Variants in POU6F2 observed in about 807,000 individuals in gnomAD.
POU6F2 encodes the protein POU domain, class 6, transcription factor 2.
A neutral mutation model predicts 71.3 loss-of-function variants in POU6F2; 31 were observed. The ratio of observed to expected loss-of-function variants is 0.43; its 90% CI spans 0.33 to 0.59. The LOEUF (loss-of-function observed/expected upper bound fraction) is 0.59, where lower values mean the gene tolerates loss of function less well. Ranked by LOEUF, POU6F2 falls within the 20% of genes least tolerant of loss-of-function variation. POU6F2 has a pLI of 0.04. For missense variants in POU6F2, 783 were observed against 856.8 expected, an observed-to-expected ratio of 0.91 and a Z score of 1.07; for synonymous variants, 347 against 355.7, an observed-to-expected ratio of 0.98 and a Z score of 0.27.
chr7:39,006,691 T>C, intron 1 of POU6F2: 2 of 710,878 alleles, frequency 2.8e-6, no homozygotes, highest in South Asian at 3.4e-5. Flanking sequence ...AAAGCATGTG[T>C]GTCATTTCAG....
intron 4 of POU6F2, among the ~76,000 whole-genome samples, chr7:39,233,367 A>G (rs570043512): frequency 4.7e-4 from 72 of 152,300 alleles, no homozygotes; most frequent in African/African-American, 1.4e-3. Flanking sequence ...TTTTCTCAAC[A>G]TTATCACTAG....
chr7:39,028,466 A>G (rs1467554525), intron 1 of POU6F2, among the ~76,000 whole-genome samples: 2 of 152,132 alleles, frequency 1.3e-5, no homozygotes, highest in Non-Finnish European at 2.9e-5. Context: ...CTTAATTACT[A>G]CTGCCTCATA....
intron 2 of POU6F2, among the ~76,000 whole-genome samples, chr7:39,159,191 TA>T (rs1025520317): frequency 1.3e-5 from 2 of 151,774 alleles, no homozygotes; most frequent in South Asian, 2.1e-4. Flanking sequence ...AAATAAAAAA[TA>T]AAAAAAATAA....
At chr7:39,001,718 T>C (rs191322144) in intron 1 of POU6F2, among the ~76,000 whole-genome samples, 1 of 151,632 alleles carries the variant, frequency 6.6e-6, no homozygotes, top group South Asian at 2.1e-4. Context: ...GTGATGATGA[T>C]ATAATGGTGA....
chr7:39,009,919 G>T (rs949185753), intron 1 of POU6F2, among the ~76,000 whole-genome samples: 8 of 151,824 alleles, frequency 5.3e-5, no homozygotes, highest in East Asian at 3.9e-4. Context: ...GCTGGATTCG[G>T]TTTGCCAGTA....
At chr7:39,056,678 A>ATG (rs3057270) in intron 1 of POU6F2, among the ~76,000 whole-genome samples, 34,923 of 141,968 alleles carry the variant, frequency 0.25, 4,203 homozygotes, top group South Asian at 0.37. Flanking sequence ...GTGTGTGTGT[A>ATG]TGTGTGTGTG....
chr7:39,133,767 A>T (rs111581084), intron 2 of POU6F2, among the ~76,000 whole-genome samples: 47 of 152,242 alleles, frequency 3.1e-4, no homozygotes, highest in African/African-American at 1.0e-3. Context: ...GTACTATGTG[A>T]TATTCACATA....
At chr7:39,019,654 T>C (rs992570629) in intron 1 of POU6F2, among the ~76,000 whole-genome samples, 11 of 151,644 alleles carry the variant, frequency 7.3e-5, no homozygotes, top group East Asian at 1.9e-4. Flanking sequence ...TTTTTCTTTT[T>C]TTTTTTTTTT....
intron 2 of POU6F2, among the ~76,000 whole-genome samples, chr7:39,149,131 G>A (rs1320618626): frequency 6.6e-6 from 1 of 152,184 alleles, no homozygotes; most frequent in Non-Finnish European, 1.5e-5. Flanking sequence ...GCTCTCCTGA[G>A]TTCTGGATGA....
At chr7:38,990,333 G>C (rs1463551697) in intron 1 of POU6F2, among the ~76,000 whole-genome samples, 1 of 152,196 alleles carries the variant, frequency 6.6e-6, no homozygotes, top group East Asian at 1.9e-4. Flanking sequence ...CCTTTTTCCT[G>C]TCAAATGGCA....
chr7:38,996,835 A>G (rs1788753675), intron 1 of POU6F2, among the ~76,000 whole-genome samples: 1 of 151,970 alleles, frequency 6.6e-6, no homozygotes, highest in Non-Finnish European at 1.5e-5. Context: ...CCTTCCATTC[A>G]CTGAATCTTG....
chr7:39,414,631 G>C lies in POU6F2; in HGVS notation c.1113+7891G>C, dbSNP rs567470506. On this transcript the variant is annotated intron_variant, in intron 6 of 9. Transcript: ENST00000518318. Reference sequence around the variant, plus strand: ...GGACGCGCGGGACGTCAGGGCCCCAGCAGAAGCGCCGGGCTGTGCGTCCTT... The same window carrying C: ...GGACGCGCGGGACGTCAGGGCCCCACCAGAAGCGCCGGGCTGTGCGTCCTT... 3.7e-3 allele frequency among the ~76,000 whole-genome samples: 571 copies of C among 152,340 alleles called. 5 individuals are homozygous for C. Among genetic ancestry groups the C allele is most frequent in the African/African-American group, 0.013 (537 of 41,580 alleles).
chr7:39,345,660 A>G (rs1420838250), intron 5 of POU6F2, among the ~76,000 whole-genome samples: 1 of 152,238 alleles, frequency 6.6e-6, no homozygotes, highest in African/African-American at 2.4e-5. Context: ...CACTATGTAG[A>G]CAACATTCTC....
At chr7:39,452,475 A>G (rs1446581959) in intron 8 of POU6F2, among the ~76,000 whole-genome samples, 2 of 152,188 alleles carry the variant, frequency 1.3e-5, no homozygotes, top group Non-Finnish European at 2.9e-5. Context: ...ATAGATTGCA[A>G]TTCACCAGGG....
intron 2 of POU6F2, among the ~76,000 whole-genome samples, chr7:39,180,234 C>T (rs1469913363): frequency 6.6e-6 from 1 of 152,170 alleles, no homozygotes; most frequent in Non-Finnish European, 1.5e-5. Context: ...AGCAAACTAG[C>T]ATGCTTTCTC....
At chr7:38,997,873 C>T (rs529904995) in intron 1 of POU6F2, among the ~76,000 whole-genome samples, 1 of 152,120 alleles carries the variant, frequency 6.6e-6, no homozygotes, top group African/African-American at 2.4e-5. Context: ...AAGAGATTAT[C>T]AAGTCCAACA....
chr7:39,252,689 T>G (rs1043112883), intron 4 of POU6F2, among the ~76,000 whole-genome samples: 1 of 151,984 alleles, frequency 6.6e-6, no homozygotes. Flanking sequence ...ATGTTCAGAG[T>G]CTTTGTGCTT....
intron 5 of POU6F2, among the ~76,000 whole-genome samples, chr7:39,382,692 G>A (rs1400448243): frequency 2.0e-5 from 3 of 152,200 alleles, no homozygotes; most frequent in Non-Finnish European, 4.4e-5. Flanking sequence ...ACTCAAGCAA[G>A]AGCAAATGTG....
Position 39,464,658 on chromosome 7 carries a change from TAAC to T in POU6F2, c.2137_2139del (p.Thr713del), listed in dbSNP as rs1374287975. 1 of 1,606,234 alleles carries T rather than the reference TAAC, an allele frequency of 6.2e-7. No homozygotes were observed. The highest frequency in any genetic ancestry group is 1.3e-5 in the African/African-American group (1 of 74,738). On this transcript the variant is annotated inframe_deletion, in exon 10 of 10. Coordinates refer to ENST00000518318, the MANE Select transcript of POU6F2 (RefSeq NM_001370959.1). This position sits in a 1 kb window ranked among gnomAD's most constrained non-coding sequence, Gnocchi z 4.1. ...GCCACGGCAGTCCCTTTGGAGCCCT[TAAC>T]AGACTCTCTGGAAGAAAACTCCTAA...
Sources: gnomAD v4.1 joint callset for allele counts (sites outside exome capture counted in the v4.1 genomes callset) on GRCh38, gnomAD v4.1.1 for gene constraint, Gnocchi (gnomAD v3.1) non-coding constraint, MANE v1.5 for transcripts, NCBI Gene and HGNC (gene_info 2026-07-23, HGNC 2026-07-21) for gene names.